Variants in ARHGAP39 observed in about 807,000 individuals in gnomAD.
ARHGAP39 encodes the protein rho GTPase-activating protein 39.
ARHGAP39 carries 44 observed loss-of-function variants against 106.9 expected under a neutral mutation model. The observed-to-expected ratio is 0.41, with a 90% confidence interval of 0.32 to 0.53. ARHGAP39 has a LOEUF of 0.53. Ranked by LOEUF, ARHGAP39 falls within the 20% of genes least tolerant of loss-of-function variation. The pLI is 0.21. For missense variants in ARHGAP39, 1,496 were observed against 1,577.3 expected (o/e 0.95, Z 0.87); for synonymous variants, 768 against 693.2 (o/e 1.11, Z -1.69).
upstream of ARHGAP39, among the ~76,000 whole-genome samples, chr8:144,685,866 G>A (rs1822577420): frequency 6.7e-6 from 1 of 148,772 alleles, no homozygotes; most frequent in African/African-American, 2.4e-5. Flanking sequence ...GCGTCCTCCC[G>A]TCACCAAGCG....
At chr8:144,650,265 T>C (rs1364727459) in intron 1 of ARHGAP39, among the ~76,000 whole-genome samples, 1 of 152,024 alleles carries the variant, frequency 6.6e-6, no homozygotes, top group Non-Finnish European at 1.5e-5. Context: ...ATAAATAGCT[T>C]ACCATCCAAA....
intron 1 of ARHGAP39, among the ~76,000 whole-genome samples, chr8:144,685,302 G>A (rs1483991491): frequency 6.6e-6 from 1 of 151,044 alleles, no homozygotes; most frequent in African/African-American, 2.4e-5. Context: ...ATTGGGGCCG[G>A]GCACACTCAC....
At chr8:144,592,439 C>T (rs1197336197) in intron 2 of ARHGAP39, among the ~76,000 whole-genome samples, 25 of 104,236 alleles carry the variant, frequency 2.4e-4, no homozygotes, top group African/African-American at 9.0e-4. Context: ...GGGGACAGCA[C>T]TGAGCCCAGA....
At chr8:144,681,551 CTTT>C (rs1221671995) in intron 1 of ARHGAP39, among the ~76,000 whole-genome samples, 1 of 152,276 alleles carries the variant, frequency 6.6e-6, no homozygotes, top group East Asian at 1.9e-4. Context: ...ATTTCATGGA[CTTT>C]TTTTCAACAG....
At chr8:144,601,262 G>C (rs569357353) in intron 2 of ARHGAP39, among the ~76,000 whole-genome samples, 26 of 142,662 alleles carry the variant, frequency 1.8e-4, no homozygotes, top group African/African-American at 6.6e-4. Context: ...GTGTGTGCTC[G>C]TGAACCTGTG....
rs924728337 is a variant in ARHGAP39, at chr8:144,532,431, G to A, written c.2889-35C>T. On this transcript the variant is annotated intron_variant, in intron 9 of 11. Transcript: ENST00000377307. ...ACAGGGCAGGTCTCAGGCAACAGGA[G>A]CCTGTGCTGCGGCTTCATGATTCCG... is the stretch of plus-strand genomic sequence containing the variant. 5.7e-6 allele frequency: 9 copies of A among 1,574,522 alleles called. No individual in the cohort carries two copies. In the Admixed American group the frequency reaches 1.2e-4, roughly 21 times the overall value.
intron 3 of ARHGAP39, among the ~76,000 whole-genome samples, chr8:144,567,869 C>CAA (rs1818457524): frequency 2.6e-5 from 4 of 152,174 alleles, no homozygotes; most frequent in Admixed American, 2.6e-4. Context: ...TATCCTGCCC[C>CAA]TTTGTCTTGT....
At chr8:144,668,452 A>G (rs1220352451) in intron 1 of ARHGAP39, among the ~76,000 whole-genome samples, 1 of 152,212 alleles carries the variant, frequency 6.6e-6, no homozygotes, top group African/African-American at 2.4e-5. Context: ...AAAACAAAAC[A>G]TAACAAAAAA....
Position 144,675,909 on chromosome 8 carries a change from G to A in ARHGAP39, c.-82+9777C>T, listed in dbSNP as rs181765121. On this transcript the variant is annotated intron_variant, in intron 1 of 11. Transcript: ENST00000377307. ...TTCAGGAGTGAAGCTGCAGACCTTC[G>A]CGGTGAGTGTTACGGTTCATGAAGA... is the stretch of plus-strand genomic sequence containing the variant. 3.8e-4 allele frequency among the ~76,000 whole-genome samples: 57 copies of A among 151,932 alleles called. No individual in the cohort carries two copies. In the East Asian group the frequency reaches 7.0e-3, roughly 19 times the overall value.
At chr8:144,697,030 T>C in the ARHGAP39 span, among the ~76,000 whole-genome samples, 2 of 152,156 alleles carry the variant, frequency 1.3e-5, no homozygotes, top group African/African-American at 4.8e-5. Flanking sequence ...CTTCTAAATA[T>C]ATTAATGATC....
chr8:144,542,951 A>T (rs943993125), intron 6 of ARHGAP39, among the ~76,000 whole-genome samples: 1 of 150,336 alleles, frequency 6.7e-6, no homozygotes, highest in African/African-American at 2.4e-5. Context: ...TAACTCCAAA[A>T]AAAAAGGGGG....
At chr8:144,643,037 A>G (rs187379002) in intron 1 of ARHGAP39, among the ~76,000 whole-genome samples, 1 of 152,226 alleles carries the variant, frequency 6.6e-6, no homozygotes, top group East Asian at 1.9e-4. Context: ...AACAACAACA[A>G]TAGAAAATTA....
At chr8:144,662,679 G>A (rs1355796517) in intron 1 of ARHGAP39, among the ~76,000 whole-genome samples, 8 of 134,512 alleles carry the variant, frequency 5.9e-5, no homozygotes, top group Non-Finnish European at 9.4e-5. Context: ...TATCCGCTTT[G>A]GACTGCTCCC....
Position 144,555,584 on chromosome 8 carries a change from G to T in ARHGAP39, c.572C>A (p.Ala191Glu). 6.2e-7 allele frequency: 1 copy of T among 1,614,026 alleles called. No individual in the cohort carries two copies. Among genetic ancestry groups the T allele is most frequent in the South Asian group, 1.1e-5 (1 of 91,090 alleles). ...CCTGTAGTGAAGAAGCTGGCCGTCC[G>T]CACTGTAATCCCGGTAAATCTCATA... is the stretch of plus-strand genomic sequence containing the variant. ...KDYEIYRDYS[A>E]DGQLLHYRTS... is the part of the protein sequence containing the mutation. The change falls in exon 4 of 12, where the codon GCG becomes GAG. Residue 191 changes from alanine to glutamate, a missense_variant. Transcript: ENST00000377307.
intron 3 of ARHGAP39, among the ~76,000 whole-genome samples, chr8:144,563,191 A>G (rs1343526235): frequency 2.0e-5 from 3 of 152,242 alleles, no homozygotes; most frequent in Non-Finnish European, 4.4e-5. Context: ...TAATGTGAAA[A>G]TATAAGCCTA....
intron 4 of ARHGAP39, among the ~76,000 whole-genome samples, chr8:144,551,656 G>A (rs1175879018): frequency 6.6e-6 from 1 of 152,088 alleles, no homozygotes; most frequent in East Asian, 1.9e-4. Flanking sequence ...CTTTCCCTGG[G>A]GCAGCTCCTG....
chr8:144,573,555 T>C (rs1818660416), intron 3 of ARHGAP39, among the ~76,000 whole-genome samples: 1 of 152,160 alleles, frequency 6.6e-6, no homozygotes, highest in African/African-American at 2.4e-5. Context: ...TGTATACCTA[T>C]GTAACAAACC....
intron 1 of ARHGAP39, among the ~76,000 whole-genome samples, chr8:144,630,619 T>C (rs1015588165): frequency 2.0e-5 from 3 of 152,214 alleles, no homozygotes; most frequent in African/African-American, 7.2e-5. Context: ...TGTGAATGAA[T>C]GTCCCCCGCC....
At chr8:144,533,027 C>T (rs2130815951) in intron 9 of ARHGAP39, 99 bp downstream of exon 9, 2 of 1,422,126 alleles carry the variant, frequency 1.4e-6, no homozygotes, top group East Asian at 2.3e-5. Flanking sequence ...GCGGAAGCAG[C>T]CCAGTGGGCC....
Sources: allele counts gnomAD v4.1 joint callset (sites outside exome capture counted in the v4.1 genomes callset), GRCh38; gene constraint gnomAD v4.1.1; transcripts MANE v1.5; gene names NCBI Gene and HGNC (gene_info 2026-07-23, HGNC 2026-07-21).